The following ANKS1B variants were observed in gnomAD, a reference collection of about 807,000 sequenced individuals.
The protein encoded by ANKS1B is ankyrin repeat and sterile alpha motif domain containing 1B.
A neutral mutation model predicts 148.3 loss-of-function variants in ANKS1B; 36 were observed. That is an observed-to-expected ratio of 0.24 (90% CI 0.19 to 0.32). The LOEUF (loss-of-function observed/expected upper bound fraction) is 0.32, where lower values mean the gene tolerates loss of function less well. ANKS1B is among the 10% of genes least tolerant of loss of function. ANKS1B has a pLI of 1.00. For synonymous variants in ANKS1B, 542 were observed against 560.8 expected (o/e 0.97, Z 0.47); for missense variants, 1,157 against 1,542.6 (o/e 0.75, Z 4.19).
chr12:99,644,701 A>G (rs1044686320), intron 9 of ANKS1B, among the ~76,000 whole-genome samples: 1 of 152,212 alleles, frequency 6.6e-6, no homozygotes, highest in Non-Finnish European at 1.5e-5. Context: ...ATTACAAATT[A>G]CCACAAACTT....
At chr12:99,715,524 G>C (rs1376627260) in intron 8 of ANKS1B, among the ~76,000 whole-genome samples, 1 of 152,126 alleles carries the variant, frequency 6.6e-6, no homozygotes, top group Non-Finnish European at 1.5e-5. Flanking sequence ...CCTGCACCCA[G>C]GTGATTAAAA....
intron 19 of ANKS1B, among the ~76,000 whole-genome samples, chr12:98,809,146 TCCCCAGGGTCTGA>T (rs2099074321): frequency 6.6e-6 from 1 of 152,152 alleles, no homozygotes; most frequent in South Asian, 2.1e-4. Flanking sequence ...GGAAGTTAGA[TCCCCAGGGTCTGA>T]CCAAAGGCAC....
At chr12:99,319,909 T>C (rs1302235446) in intron 12 of ANKS1B, among the ~76,000 whole-genome samples, 2 of 152,166 alleles carry the variant, frequency 1.3e-5, no homozygotes, top group Non-Finnish European at 2.9e-5. Flanking sequence ...TCTCTCAGCA[T>C]TTGTTTGTCT....
At chr12:99,011,426 A>C (rs2099939351) in intron 17 of ANKS1B, among the ~76,000 whole-genome samples, 1 of 152,220 alleles carries the variant, frequency 6.6e-6, no homozygotes, top group South Asian at 2.1e-4. Flanking sequence ...TCTGATACTC[A>C]AACACTTGCT....
At chr12:99,563,107 A>G (rs1467563763) in intron 9 of ANKS1B, among the ~76,000 whole-genome samples, 1 of 152,218 alleles carries the variant, frequency 6.6e-6, no homozygotes, top group Non-Finnish European at 1.5e-5. Flanking sequence ...TTAAGAGAAT[A>G]TTGTGGCTGA....
At chr12:98,798,555 T>C (rs2098972397) in intron 22 of ANKS1B, among the ~76,000 whole-genome samples, 1 of 152,192 alleles carries the variant, frequency 6.6e-6, no homozygotes, top group Non-Finnish European at 1.5e-5. Context: ...ATGCTCTTAA[T>C]ACTTCTGCTT....
At position 99,014,613 on chromosome 12, in the gene ANKS1B, A is replaced by T. The variant is rs2153421359; in HGVS notation, c.2778+38544T>A. Among the ~76,000 whole-genome samples, 2 of 152,332 alleles carry T rather than the reference A, an allele frequency of 1.3e-5. 1 individual carries two copies. The highest frequency in any genetic ancestry group is 4.1e-4 in the South Asian group (2 of 4,828). ...TTTACATAATGGTAGAAAATTGTGCAAAGTATGCATCTGACAAACGTCTAA... is the reference window on the plus strand; with the variant it reads ...TTTACATAATGGTAGAAAATTGTGCTAAGTATGCATCTGACAAACGTCTAA... On this transcript the variant is annotated intron_variant, in intron 17 of 26. Coordinates refer to ENST00000683438, the MANE Select transcript of ANKS1B (RefSeq NM_001352186.2).
chr12:99,494,217 A>G (rs1412937611), intron 10 of ANKS1B, among the ~76,000 whole-genome samples: 2 of 152,210 alleles, frequency 1.3e-5, no homozygotes, highest in East Asian at 3.8e-4. Flanking sequence ...GTAACTTTAG[A>G]AAGCACATTT....
chr12:99,561,907 T>C (rs2097340229), intron 9 of ANKS1B, among the ~76,000 whole-genome samples: 1 of 152,178 alleles, frequency 6.6e-6, no homozygotes, highest in African/African-American at 2.4e-5. Flanking sequence ...GGTTTTCAAT[T>C]TACCTTTCCC....
intron 14 of ANKS1B, among the ~76,000 whole-genome samples, chr12:99,176,403 T>C (rs1248029070): frequency 2.6e-5 from 4 of 152,210 alleles, no homozygotes; most frequent in Non-Finnish European, 4.4e-5. Context: ...CATGTCATTA[T>C]AGGCACTTTT....
At chr12:99,612,429 A>G (rs1351770669) in intron 9 of ANKS1B, among the ~76,000 whole-genome samples, 1 of 152,036 alleles carries the variant, frequency 6.6e-6, no homozygotes, top group African/African-American at 2.4e-5. Flanking sequence ...TAGTACTACT[A>G]TTATCTCCAC....
chr12:99,815,958 T>C (rs1004292550), intron 2 of ANKS1B, among the ~76,000 whole-genome samples: 1 of 151,874 alleles, frequency 6.6e-6, no homozygotes, highest in Non-Finnish European at 1.5e-5. Context: ...TGTGCATGTG[T>C]CTTTTTCATA....
At chr12:99,077,911 T>C (rs1206598930) in intron 16 of ANKS1B, among the ~76,000 whole-genome samples, 1 of 152,188 alleles carries the variant, frequency 6.6e-6, no homozygotes, top group African/African-American at 2.4e-5. Context: ...CTAGAGTGAT[T>C]CTCTTCATCT....
chr12:99,049,630 ACCTC>A (rs1381319842), intron 17 of ANKS1B, among the ~76,000 whole-genome samples: 1 of 152,180 alleles, frequency 6.6e-6, no homozygotes, highest in East Asian at 1.9e-4. Flanking sequence ...AAGAAAAAAA[ACCTC>A]ACAGTCCTAA....
intron 12 of ANKS1B, among the ~76,000 whole-genome samples, chr12:99,347,549 A>G (rs1025228100): frequency 2.0e-5 from 3 of 152,064 alleles, no homozygotes; most frequent in African/African-American, 2.4e-5. Flanking sequence ...AGACTGAGAG[A>G]GTTTTTGTTT....
At chr12:99,058,672 C>CTAGGAA (rs1462404747) in intron 16 of ANKS1B, among the ~76,000 whole-genome samples, 1 of 148,708 alleles carries the variant, frequency 6.7e-6, no homozygotes, top group Non-Finnish European at 1.5e-5. Flanking sequence ...ATTCCCTCTG[C>CTAGGAA]TAGGAATACA....
chr12:99,479,120 A>G (rs2152928535), intron 10 of ANKS1B, among the ~76,000 whole-genome samples: 1 of 152,080 alleles, frequency 6.6e-6, no homozygotes, highest in East Asian at 1.9e-4. Flanking sequence ...TACACAATCT[A>G]TATTTAGACT....
intron 9 of ANKS1B, among the ~76,000 whole-genome samples, chr12:99,563,690 AAT>A (rs1354619463): frequency 6.6e-6 from 1 of 152,188 alleles, no homozygotes; most frequent in Non-Finnish European, 1.5e-5. Context: ...TGCTGTTGGA[AAT>A]ATGTCACCAA....
At chr12:99,310,370 G>T (rs143957047) in intron 12 of ANKS1B, among the ~76,000 whole-genome samples, 3 of 152,210 alleles carry the variant, frequency 2.0e-5, no homozygotes, top group African/African-American at 7.2e-5. Flanking sequence ...TTATGTGAGG[G>T]TATTTCTGAA....
Sources: allele counts gnomAD v4.1 joint callset (sites outside exome capture counted in the v4.1 genomes callset), GRCh38; gene constraint gnomAD v4.1.1; transcripts MANE v1.5; gene names NCBI Gene and HGNC (gene_info 2026-07-23, HGNC 2026-07-21).